The following HMBOX1 variants were observed in gnomAD, a reference collection of about 807,000 sequenced individuals.
HMBOX1 encodes the protein homeobox-containing protein 1.
In HMBOX1, 14 loss-of-function variants were observed where a neutral mutation model predicts 54.5. The ratio of observed to expected loss-of-function variants is 0.26; its 90% CI spans 0.17 to 0.40. The LOEUF (loss-of-function observed/expected upper bound fraction) is 0.40. Among genes scored for constraint, HMBOX1 ranks in the 10% least tolerant of loss-of-function variants. The pLI is 1.00. For synonymous variants in HMBOX1, 160 were observed against 181.0 expected (o/e 0.88, Z 0.93); for missense variants, 332 against 514.4 (o/e 0.65, Z 3.43).
intron 1 of HMBOX1, among the ~76,000 whole-genome samples, chr8:28,951,770 A>G (rs1204848827): frequency 6.6e-6 from 1 of 152,216 alleles, no homozygotes; most frequent in East Asian, 1.9e-4. Context: ...GTTTCCTTTC[A>G]TTCTGCTCTG....
At chr8:28,936,029 C>A (rs1820348008) in intron 1 of HMBOX1, among the ~76,000 whole-genome samples, 1 of 152,012 alleles carries the variant, frequency 6.6e-6, no homozygotes, top group Admixed American at 6.5e-5. Context: ...AGTGCTCTTG[C>A]TATTCTTATT....
chr8:28,952,156 CT>C, intron 1 of HMBOX1, among the ~76,000 whole-genome samples: 1 of 98,200 alleles, frequency 1.0e-5, no homozygotes, highest in Non-Finnish European at 2.3e-5. Context: ...AAGACCCTAT[CT>C]TAAAAAAAAA....
At chr8:29,004,159 A>C (rs1419681327) in intron 4 of HMBOX1, among the ~76,000 whole-genome samples, 1 of 152,242 alleles carries the variant, frequency 6.6e-6, no homozygotes, top group East Asian at 1.9e-4. Context: ...GACTGTGTTG[A>C]GGACCTGTGG....
intron 1 of HMBOX1, among the ~76,000 whole-genome samples, chr8:28,913,063 T>C (rs1448460551): frequency 1.3e-5 from 2 of 152,138 alleles, no homozygotes; most frequent in African/African-American, 2.4e-5. Context: ...TCACCATTTC[T>C]CCCTTTTCCT....
chr8:29,047,589 C>T (rs1311188124), intron 8 of HMBOX1, 136 bp downstream of exon 8: 7 of 482,124 alleles, frequency 1.5e-5, no homozygotes, highest in South Asian at 6.9e-5. Flanking sequence ...TTTTTTGAGA[C>T]GGAGTTTCAC....
intron 1 of HMBOX1, among the ~76,000 whole-genome samples, chr8:28,937,876 A>G (rs1485586228): frequency 6.7e-6 from 1 of 150,334 alleles, no homozygotes; most frequent in African/African-American, 2.4e-5. Context: ...TCTGTATATT[A>G]TGATACTTAG....
rs923631903 is a variant in HMBOX1 at position 29,048,860 on chromosome 8, C to A, written c.1031-94C>A. 3.4e-5 allele frequency: 27 copies of A among 793,794 alleles called. 1 individual carries two copies. In the Admixed American group the frequency reaches 4.3e-4, roughly 13 times the overall value. The allele number at this position is 793,794 out of a possible 1,614,324, so 49.2% of individuals were successfully genotyped here. ...ATACAGGTTCTTGTTTAATTACATT[C>A]TAATTAATTTCCTTAGCACAAAAAT... is the stretch of plus-strand genomic sequence containing the variant. On this transcript the variant is annotated intron_variant, in intron 8 of 9. Transcript: ENST00000287701.
intron 4 of HMBOX1, among the ~76,000 whole-genome samples, chr8:28,982,877 GCCT>G (rs1250671055): frequency 1.3e-5 from 2 of 152,016 alleles, no homozygotes; most frequent in African/African-American, 4.8e-5. Context: ...ACCCGCTTCG[GCCT>G]CCCAAAGTGC....
intron 1 of HMBOX1, among the ~76,000 whole-genome samples, chr8:28,955,580 G>T (rs942743801): frequency 6.6e-6 from 1 of 152,134 alleles, no homozygotes; most frequent in Non-Finnish European, 1.5e-5. Flanking sequence ...TCTTTTTAAT[G>T]ATTGGATTTG....
rs1328795679 is a variant in HMBOX1, at chr8:28,970,980, TGACACACA to T, written c.500+462_500+469del. Among the ~76,000 whole-genome samples, 1 of 92,384 alleles carries T rather than the reference TGACACACA, an allele frequency of 1.1e-5. No homozygotes were observed. Among genetic ancestry groups the T allele is most frequent in the Non-Finnish European group, 2.1e-5 (1 of 47,578 alleles). The allele number at this position is 92,384 out of a possible 152,430, so 60.6% of individuals were successfully genotyped here. On this transcript the variant is annotated intron_variant, in intron 3 of 9. Transcript: ENST00000287701. The surrounding 1 kb of genome is among the most constrained non-coding windows in gnomAD (Gnocchi z 4.3). ...TATAGGTTCTAATTTTAGCAATAGATGACACACACACACACACACACACACACACACAC... is the reference window on the plus strand; with the variant it reads ...TATAGGTTCTAATTTTAGCAATAGATCACACACACACACACACACACACAC...
intron 2 of HMBOX1, among the ~76,000 whole-genome samples, chr8:28,965,556 A>G (rs1270488589): frequency 6.6e-6 from 1 of 152,192 alleles, no homozygotes; most frequent in Non-Finnish European, 1.5e-5. Flanking sequence ...AGTGAAGGCT[A>G]AAGGTGGAGG....
At chr8:28,955,867 C>T (rs992124647) in intron 1 of HMBOX1, 18 of 149,620 alleles carry the variant, frequency 1.2e-4, no homozygotes, top group African/African-American at 2.5e-4. Flanking sequence ...GCAGGAGAAT[C>T]GCTTGAATCC....
chr8:28,892,147 T>C (rs1811140628), intron 1 of HMBOX1, among the ~76,000 whole-genome samples: 1 of 152,262 alleles, frequency 6.6e-6, no homozygotes, highest in Admixed American at 6.5e-5. Context: ...AAATGCATCG[T>C]TAAATGCATT....
chr8:29,021,589 C>T (rs541550000), intron 6 of HMBOX1, among the ~76,000 whole-genome samples: 2 of 152,120 alleles, frequency 1.3e-5, no homozygotes, highest in Non-Finnish European at 2.9e-5. Flanking sequence ...GGCGCGGTGG[C>T]TCATGTCTGT....
At chr8:28,978,147 C>G (rs1198321315) in intron 3 of HMBOX1, among the ~76,000 whole-genome samples, 1 of 152,132 alleles carries the variant, frequency 6.6e-6, no homozygotes, top group African/African-American at 2.4e-5. Flanking sequence ...TGGAAACTCA[C>G]CACTATGACC....
intron 1 of HMBOX1, among the ~76,000 whole-genome samples, chr8:28,945,163 C>G (rs1822200407): frequency 6.6e-6 from 1 of 152,178 alleles, no homozygotes; most frequent in South Asian, 2.1e-4. Context: ...TTCAAACTTT[C>G]AAAGAGGCAA....
intron 1 of HMBOX1, among the ~76,000 whole-genome samples, chr8:28,895,224 T>C (rs1811876280): frequency 6.6e-6 from 1 of 152,250 alleles, no homozygotes; most frequent in Non-Finnish European, 1.5e-5. Flanking sequence ...AAAATATTAG[T>C]AGCCTCATTA....
intron 1 of HMBOX1, among the ~76,000 whole-genome samples, chr8:28,892,340 G>A (rs1251525807): frequency 6.6e-6 from 1 of 152,018 alleles, no homozygotes; most frequent in African/African-American, 2.4e-5. Flanking sequence ...AAAAGGAAAG[G>A]ATTGCAACAT....
intron 1 of HMBOX1, among the ~76,000 whole-genome samples, chr8:28,921,686 A>C (rs17524494): frequency 0.1 from 15,334 of 152,284 alleles, 1,026 homozygotes; most frequent in Middle Eastern, 0.16. Flanking sequence ...CATTTGAAGT[A>C]CAGAACATAT....
Sources: allele counts gnomAD v4.1 joint callset (sites outside exome capture counted in the v4.1 genomes callset), GRCh38; gene constraint gnomAD v4.1.1; non-coding constraint Gnocchi (gnomAD v3.1); transcripts MANE v1.5; gene names NCBI Gene and HGNC (gene_info 2026-07-23, HGNC 2026-07-21).